FUT8: variants seen among roughly 807,000 people sequenced by gnomAD.
The protein encoded by FUT8 is alpha-(1,6)-fucosyltransferase.
FUT8 carries 29 observed loss-of-function variants against 71.3 expected under a neutral mutation model. The observed-to-expected ratio is 0.41, with a 90% CI of 0.30 to 0.55. FUT8 has a LOEUF of 0.55. FUT8 is among the 20% of genes least tolerant of loss of function. The pLI, the probability that FUT8 is intolerant of heterozygous loss-of-function variation, is 0.34. For synonymous variants in FUT8, 254 were observed against 239.3 expected, an observed-to-expected ratio of 1.06 and a Z score of -0.57; for missense variants, 544 against 702.1, an observed-to-expected ratio of 0.77 and a Z score of 2.55.
chr14:65,423,090 A>T (rs749542047), intron 1 of FUT8, among the ~76,000 whole-genome samples: 1 of 144,672 alleles, frequency 6.9e-6, no homozygotes, highest in Non-Finnish European at 1.5e-5. Context: ...AGTTCAAGTG[A>T]TTCTTCTGCC....
At chr14:65,583,534 A>G (rs554493426) in intron 3 of FUT8, among the ~76,000 whole-genome samples, 6 of 152,308 alleles carry the variant, frequency 3.9e-5, no homozygotes, top group African/African-American at 1.4e-4. Flanking sequence ...AAAAAAATGT[A>G]CACTGCCATT....
intron 7 of FUT8, among the ~76,000 whole-genome samples, chr14:65,685,919 AGTTGTTTTATCAGCAAGACCTGTATCTT>A (rs1243770529): frequency 6.6e-6 from 1 of 152,170 alleles, no homozygotes; most frequent in Non-Finnish European, 1.5e-5. Flanking sequence ...TCTTTATGCA[AGTTGTTTTATCAGCAAGACCTGTATCTT>A]GTGCTGACCT....
chr14:65,505,047 T>C (rs559054576), intron 2 of FUT8, among the ~76,000 whole-genome samples: 21 of 152,358 alleles, frequency 1.4e-4, no homozygotes, highest in Admixed American at 1.0e-3. Flanking sequence ...AGAGATGATA[T>C]AGTGGCTTTC....
intron 2 of FUT8, among the ~76,000 whole-genome samples, chr14:65,462,152 T>C (rs541805611): frequency 9.2e-5 from 14 of 152,320 alleles, no homozygotes; most frequent in African/African-American, 3.4e-4. Flanking sequence ...GTATTAATAT[T>C]AGTCTTGTTG....
intron 2 of FUT8, among the ~76,000 whole-genome samples, chr14:65,543,535 T>G (rs1345583271): frequency 2.0e-5 from 3 of 152,116 alleles, no homozygotes; most frequent in African/African-American, 7.2e-5. Flanking sequence ...AGAGGGTGAG[T>G]GTTTTTTTAA....
rs375308328 is a variant in FUT8, at chr14:65,693,379, C to T, written c.835+23899C>T. Among the ~76,000 whole-genome samples, 354 of 152,232 alleles carry T rather than the reference C, an allele frequency of 2.3e-3. 2 individuals carry two copies. The East Asian group carries it at 0.028, about 12-fold the overall frequency. ...AAAACCAGTCAGGCGTGGCGGCGCG[C>T]GCCTGCAATCGCAGGCACTCGGCAG... On this transcript the variant is annotated intron_variant, in intron 7 of 10. Coordinates refer to ENST00000673929, the MANE Select transcript of FUT8 (RefSeq NM_001371533.1).
At chr14:65,625,047 C>G (rs1205287819) in intron 5 of FUT8, among the ~76,000 whole-genome samples, 1 of 148,010 alleles carries the variant, frequency 6.8e-6, no homozygotes, top group East Asian at 2.0e-4. Flanking sequence ...GCCTGGGCAA[C>G]AAGAGTGAAA....
At chr14:65,532,792 G>A (rs182215853) in intron 2 of FUT8, among the ~76,000 whole-genome samples, 28 of 152,072 alleles carry the variant, frequency 1.8e-4, no homozygotes, top group African/African-American at 6.0e-4. Flanking sequence ...TCTTTAATCC[G>A]TCTTGAGTTG....
intron 7 of FUT8, among the ~76,000 whole-genome samples, chr14:65,685,040 G>A (rs914194258): frequency 2.0e-5 from 3 of 152,150 alleles, no homozygotes; most frequent in African/African-American, 7.2e-5. Context: ...GAAAAGGATT[G>A]TTGAATTTGT....
rs1010534293 is a variant in FUT8 at position 65,574,506 on chromosome 14, A to G, written c.203+12740A>G. On this transcript the variant is annotated intron_variant, in intron 3 of 10. Coordinates refer to ENST00000673929, the MANE Select transcript of FUT8 (RefSeq NM_001371533.1). The surrounding 1 kb of genome is among the most constrained non-coding windows in gnomAD (Gnocchi z 5.2). ...TTTTCATTGTGTACCAACACTTTAC[A>G]TAAATTATCTTATTCAGAAGTTAAG... Among the ~76,000 whole-genome samples the G allele has an allele frequency of 3.9e-5, 6 of 152,204 alleles. No homozygotes were observed. Among genetic ancestry groups the G allele is most frequent in the African/African-American group, 1.2e-4 (5 of 41,440 alleles).
At chr14:65,512,507 T>C (rs560562697) in intron 2 of FUT8, among the ~76,000 whole-genome samples, 1 of 152,312 alleles carries the variant, frequency 6.6e-6, no homozygotes, top group South Asian at 2.1e-4. Context: ...ATGCAGTTCG[T>C]TGTTGATTAA....
At chr14:65,485,826 T>C (rs1566778570) in intron 2 of FUT8, among the ~76,000 whole-genome samples, 1 of 152,208 alleles carries the variant, frequency 6.6e-6, no homozygotes, top group African/African-American at 2.4e-5. Flanking sequence ...TGGATTTCTT[T>C]CTCTTCCCTG....
At chr14:65,546,772 C>T (rs1885007325) in intron 2 of FUT8, among the ~76,000 whole-genome samples, 2 of 151,176 alleles carry the variant, frequency 1.3e-5, no homozygotes, top group Admixed American at 6.6e-5. Flanking sequence ...TTTTCTAGAA[C>T]TCTTTGTGTA....
intron 1 of FUT8, among the ~76,000 whole-genome samples, chr14:65,418,944 A>G (rs893738026): frequency 1.2e-4 from 19 of 152,182 alleles, no homozygotes; most frequent in Non-Finnish European, 2.1e-4. Context: ...AAATGATTTT[A>G]TAGGCCGGGC....
At chr14:65,427,589 A>G (rs2065408928) in intron 1 of FUT8, among the ~76,000 whole-genome samples, 2 of 152,084 alleles carry the variant, frequency 1.3e-5, no homozygotes, top group Non-Finnish European at 2.9e-5. Flanking sequence ...AGAAATGTCT[A>G]TTTAGGTCTG....
chr14:65,423,296 C>T (rs7149110), intron 1 of FUT8, among the ~76,000 whole-genome samples: 2,012 of 120,608 alleles, frequency 0.017, 16 homozygotes, highest in South Asian at 0.026. Flanking sequence ...GAGTCTGGCT[C>T]TGTCGGCCAG....
the FUT8 span, among the ~76,000 whole-genome samples, chr14:65,390,466 T>TAAC: frequency 1.3e-5 from 2 of 151,986 alleles, no homozygotes; most frequent in African/African-American, 4.8e-5. Flanking sequence ...CCTTTTTACA[T>TAAC]AACTTTTGAA....
chr14:65,593,373 A>G (rs112870193), intron 3 of FUT8, among the ~76,000 whole-genome samples: 12 of 152,366 alleles, frequency 7.9e-5, no homozygotes, highest in African/African-American at 2.9e-4. Context: ...AAAAATTGCA[A>G]TAGCAATCAA....
intron 1 of FUT8, among the ~76,000 whole-genome samples, chr14:65,435,071 C>G (rs1244561161): frequency 6.6e-6 from 1 of 152,132 alleles, no homozygotes; most frequent in East Asian, 1.9e-4. Flanking sequence ...AGTTGTCACT[C>G]CTTATCTGAG....
Sources: allele counts gnomAD v4.1 joint callset (sites outside exome capture counted in the v4.1 genomes callset), GRCh38; gene constraint gnomAD v4.1.1; non-coding constraint Gnocchi (gnomAD v3.1); transcripts MANE v1.5; gene names NCBI Gene and HGNC (gene_info 2026-07-23, HGNC 2026-07-21).